Variants in PDE4B observed in about 807,000 individuals in gnomAD.
PDE4B encodes the protein 3',5'-cyclic-AMP phosphodiesterase 4B.
A neutral mutation model predicts 82.2 loss-of-function variants in PDE4B; 20 were observed. That is an observed-to-expected ratio of 0.24 (90% CI 0.17 to 0.35). The LOEUF (loss-of-function observed/expected upper bound fraction) is 0.35, where lower values mean the gene tolerates loss of function less well. Among genes scored for constraint, PDE4B ranks in the 10% least tolerant of loss-of-function variants. PDE4B has a pLI of 1.00. For synonymous variants in PDE4B, 320 were observed against 318.9 expected (o/e 1.00, Z -0.04); for missense variants, 655 against 907.2 (o/e 0.72, Z 3.57).
At chr1:66,257,923 C>CA in intron 6 of PDE4B, 60 bp downstream of exon 6, 1 of 1,109,990 alleles carries the variant, frequency 9.0e-7, no homozygotes, top group Non-Finnish European at 1.4e-6. Context: ...AAATATTGAG[C>CA]AGCATTTAAA....
chr1:66,246,370 T>C (rs1653310359), intron 3 of PDE4B, among the ~76,000 whole-genome samples: 1 of 152,190 alleles, frequency 6.6e-6, no homozygotes, highest in Non-Finnish European at 1.5e-5. Flanking sequence ...TAGACATAAA[T>C]CATGGCCGCT....
At position 66,030,676 on chromosome 1, in the gene PDE4B, G is replaced by C. The variant is rs532565614; in HGVS notation, c.281+111841G>C. ...TATACACCCATATGTTCATCGCAGT[G>C]CTATTCACAATAGCAAAGACATGGA... On this transcript the variant is annotated intron_variant, in intron 3 of 16. Coordinates refer to ENST00000341517, the MANE Select transcript of PDE4B (RefSeq NM_002600.4). Among the ~76,000 whole-genome samples, 19 of 152,180 alleles carry C rather than the reference G, an allele frequency of 1.2e-4. No homozygotes were observed. The East Asian group carries it at 3.7e-3, about 29-fold the overall frequency.
intron 8 of PDE4B, among the ~76,000 whole-genome samples, chr1:66,348,889 A>C (rs1661611527): frequency 6.6e-6 from 1 of 152,082 alleles, no homozygotes; most frequent in Non-Finnish European, 1.5e-5. Flanking sequence ...CACTGCAGCA[A>C]CTTTCAGAGT....
chr1:66,250,078 C>T (rs958268754), intron 4 of PDE4B, among the ~76,000 whole-genome samples: 2 of 152,278 alleles, frequency 1.3e-5, no homozygotes, highest in Non-Finnish European at 2.9e-5. Flanking sequence ...TTGGCAAATC[C>T]AGTTTCACAT....
intron 3 of PDE4B, among the ~76,000 whole-genome samples, chr1:66,214,897 A>G (rs1208088517): frequency 6.6e-6 from 1 of 152,184 alleles, no homozygotes; most frequent in Non-Finnish European, 1.5e-5. Context: ...TCATATCATG[A>G]CCTTGTTGGA....
intron 1 of PDE4B, among the ~76,000 whole-genome samples, chr1:65,910,938 T>G (rs573763531): frequency 6.6e-6 from 1 of 152,304 alleles, no homozygotes; most frequent in South Asian, 2.1e-4. Flanking sequence ...TTCTTGCTTT[T>G]TTTTTGTCTT....
chr1:65,816,312 C>T (rs965011324), intron 1 of PDE4B, among the ~76,000 whole-genome samples: 6 of 151,268 alleles, frequency 4.0e-5, no homozygotes, highest in East Asian at 3.9e-4. Flanking sequence ...AGCTAATAAA[C>T]GCTTGAAGAT....
chr1:65,935,100 ACATGT>A (rs1368076166), intron 3 of PDE4B, among the ~76,000 whole-genome samples: 6 of 152,202 alleles, frequency 3.9e-5, no homozygotes, highest in Non-Finnish European at 8.8e-5. Flanking sequence ...AGGATACATC[ACATGT>A]CAGGTCACAA....
chr1:65,983,222 A>C (rs1271155910), intron 3 of PDE4B, among the ~76,000 whole-genome samples: 2 of 152,210 alleles, frequency 1.3e-5, no homozygotes, highest in Non-Finnish European at 2.9e-5. Context: ...ATGGAGAAGA[A>C]CTTTGCCGCA....
rs929783035 is a variant in PDE4B, at chr1:66,177,876, G to A, written c.282-69584G>A. Among the ~76,000 whole-genome samples, 14 of 152,050 alleles carry A rather than the reference G, an allele frequency of 9.2e-5. No individual in the cohort carries two copies. The South Asian group carries it at 2.1e-3, about 23-fold the overall frequency. ...CTTTACAGGAGTCGATACAGGCTTTGGTGGGCATTGTTTTTTTTAGTAAAA... is the reference window on the plus strand; with the variant it reads ...CTTTACAGGAGTCGATACAGGCTTTAGTGGGCATTGTTTTTTTTAGTAAAA... On this transcript the variant is annotated intron_variant, in intron 3 of 16. Transcript: ENST00000341517.
chr1:65,962,309 G>C lies in PDE4B; in HGVS notation c.281+43474G>C, dbSNP rs368365248. On this transcript the variant is annotated intron_variant, in intron 3 of 16. Transcript: ENST00000341517. ...GTCAGTTGAACCATTGTAAGTTGGGGACCATCTGCAGACATGCTCAGGTGC... is the reference window on the plus strand; with the variant it reads ...GTCAGTTGAACCATTGTAAGTTGGGCACCATCTGCAGACATGCTCAGGTGC... Among the ~76,000 whole-genome samples the C allele has an allele frequency of 3.1e-4, 47 of 152,196 alleles. 1 individual carries two copies. Among genetic ancestry groups the C allele is most frequent in the African/African-American group, 1.1e-3 (44 of 41,528 alleles).
intron 3 of PDE4B, chr1:66,042,599 C>T (rs1439614314): frequency 1.3e-5 from 2 of 151,686 alleles, no homozygotes; most frequent in Admixed American, 6.6e-5. Context: ...CAGTTTCCAG[C>T]ATACAACAAG....
intron 3 of PDE4B, among the ~76,000 whole-genome samples, chr1:66,067,307 A>T (rs1406194837): frequency 6.6e-6 from 1 of 152,082 alleles, no homozygotes; most frequent in East Asian, 1.9e-4. Flanking sequence ...TCCCACCAAC[A>T]GTGTAAAAGT....
At chr1:65,795,559 TAGTC>T (rs1196521971) in intron 1 of PDE4B, among the ~76,000 whole-genome samples, 2 of 152,216 alleles carry the variant, frequency 1.3e-5, no homozygotes, top group African/African-American at 4.8e-5. Flanking sequence ...TGGCCTTCAA[TAGTC>T]AGACTCTTCA....
intron 7 of PDE4B, among the ~76,000 whole-genome samples, chr1:66,312,106 C>T (rs1214810026): frequency 6.6e-6 from 1 of 152,312 alleles, no homozygotes; most frequent in African/African-American, 2.4e-5. Flanking sequence ...TCCCTGAAAG[C>T]ATTACCTGAT....
intron 3 of PDE4B, among the ~76,000 whole-genome samples, chr1:66,100,167 C>G (rs559225626): frequency 6.6e-6 from 1 of 152,184 alleles, no homozygotes; most frequent in African/African-American, 2.4e-5. Context: ...AATTCTCCTT[C>G]CTCAGCCTCC....
chr1:66,163,313 A>G (rs961258523), intron 3 of PDE4B, among the ~76,000 whole-genome samples: 3 of 152,214 alleles, frequency 2.0e-5, no homozygotes, highest in African/African-American at 4.8e-5. Context: ...ACGTCTGTAT[A>G]TTTAGTCTCT....
At chr1:65,916,481 A>C (rs1365544485) in intron 2 of PDE4B, among the ~76,000 whole-genome samples, 1 of 152,118 alleles carries the variant, frequency 6.6e-6, no homozygotes, top group African/African-American at 2.4e-5. Context: ...TACATGATAG[A>C]TATCCTTATT....
At chr1:66,334,287 C>A (rs1389706062) in intron 8 of PDE4B, among the ~76,000 whole-genome samples, 1 of 152,078 alleles carries the variant, frequency 6.6e-6, no homozygotes, top group South Asian at 2.1e-4. Flanking sequence ...AAAAGAGTAC[C>A]CCCTGAGAAA....
Sources: allele counts gnomAD v4.1 joint callset (sites outside exome capture counted in the v4.1 genomes callset), GRCh38; gene constraint gnomAD v4.1.1; transcripts MANE v1.5; gene names NCBI Gene and HGNC (gene_info 2026-07-23, HGNC 2026-07-21).